SUCO: variants seen among roughly 807,000 people sequenced by gnomAD.
SUCO encodes the protein SUN domain containing ossification factor.
In SUCO, 57 loss-of-function variants were observed where a neutral mutation model predicts 148.1. The observed-to-expected ratio is 0.38, with a 90% CI of 0.31 to 0.48. The LOEUF (loss-of-function observed/expected upper bound fraction) is 0.48, where lower values mean the gene tolerates loss of function less well. Among genes scored for constraint, SUCO ranks in the 20% least tolerant of loss-of-function variants. The pLI is 0.96. For synonymous variants in SUCO, 470 were observed against 502.7 expected, an observed-to-expected ratio of 0.93 and a Z score of 0.87; for missense variants, 1,331 against 1,468.2, an observed-to-expected ratio of 0.91 and a Z score of 1.53.
intron 19 of SUCO, among the ~76,000 whole-genome samples, chr1:172,595,795 G>C (rs1018722152): frequency 2.0e-5 from 3 of 152,098 alleles, no homozygotes; most frequent in African/African-American, 7.2e-5. Flanking sequence ...GTGGCGTTCT[G>C]TGTATTTCCT....
chr1:172,591,056 A>C lies in SUCO; in HGVS notation c.2898A>C (p.Arg966Ser). 1 of 1,611,388 alleles carries C rather than the reference A, an allele frequency of 6.2e-7. No homozygotes were observed. The highest frequency in any genetic ancestry group is 1.1e-5 in the South Asian group (1 of 90,422). ...TCGTGAAACTTCAGAATACTTCAAGAATAGCAGAGGAGCAGGTTGGTTTCT... is the reference window on the plus strand; with the variant it reads ...TCGTGAAACTTCAGAATACTTCAAGCATAGCAGAGGAGCAGGTTGGTTTCT... Reference protein sequence around the residue: ...KTIVKLQNTSRIAEEQDQRQT... With the variant: ...KTIVKLQNTSSIAEEQDQRQT... Residue 966 changes from arginine (R) to serine (S), a missense_variant, in exon 19 of 24, where the codon AGA becomes AGC. Around this residue, in one of 3 missense-constraint regions of SUCO, gnomAD observed 334 missense variants for 352.3 expected, o/e 0.95. Coordinates refer to ENST00000263688, the MANE Select transcript of SUCO (RefSeq NM_014283.5).
At chr1:172,564,456 T>C (rs1654414250) in intron 6 of SUCO, among the ~76,000 whole-genome samples, 1 of 152,184 alleles carries the variant, frequency 6.6e-6, no homozygotes, top group Non-Finnish European at 1.5e-5. Flanking sequence ...TAAAAGTGTG[T>C]TGCACTTCCC....
intron 6 of SUCO, among the ~76,000 whole-genome samples, chr1:172,563,593 GT>G (rs1466842218): frequency 1.3e-5 from 2 of 152,178 alleles, no homozygotes; most frequent in Non-Finnish European, 2.9e-5. Flanking sequence ...CTAAAAGCCT[GT>G]GCTCATTTGC....
Position 172,600,125 on chromosome 1 carries a change from T to A in SUCO, c.2975T>A (p.Leu992His). 1 of 1,611,746 alleles carries A rather than the reference T, an allele frequency of 6.2e-7. No homozygotes were observed. The highest frequency in any genetic ancestry group is 1.7e-5 in the Admixed American group (1 of 59,062). Reference sequence around the variant, plus strand: ...GCACAGCTGACCAACATGACACAGCTTGTTTCAAATTTATCAGCAACAGTA... The same window carrying A: ...GCACAGCTGACCAACATGACACAGCATGTTTCAAATTTATCAGCAACAGTA... Reference protein sequence around the residue: ...LQAQLTNMTQLVSNLSATVAE... With the variant: ...LQAQLTNMTQHVSNLSATVAE... Residue 992 changes from leucine to histidine, a missense_variant, in exon 20 of 24, where the codon CTT becomes CAT. Coordinates refer to ENST00000263688, the MANE Select transcript of SUCO (RefSeq NM_014283.5).
At chr1:172,556,338 T>A (rs1486220109) in intron 4 of SUCO, among the ~76,000 whole-genome samples, 2 of 152,222 alleles carry the variant, frequency 1.3e-5, no homozygotes, top group Non-Finnish European at 2.9e-5. Context: ...GAATTCCCTA[T>A]AATTATCAAC....
At chr1:172,570,609 T>G (rs1230619326) in intron 8 of SUCO, 54 bp from the exon 9 acceptor site, 35 of 1,209,874 alleles carry the variant, frequency 2.9e-5, no homozygotes, top group Non-Finnish European at 4.0e-5. Flanking sequence ...TTAAAATAAA[T>G]ACTTTCTTCA....
At position 172,567,449 on chromosome 1, in the gene SUCO, AT is replaced by A. The variant is rs1005959443; in HGVS notation, c.733-1562del. Among the ~76,000 whole-genome samples, 40 of 152,008 alleles carry A rather than the reference AT, an allele frequency of 2.6e-4. No individual in the cohort carries two copies. In the East Asian group the frequency reaches 6.2e-3, roughly 23 times the overall value. On this transcript the variant is annotated intron_variant, in intron 6 of 23. Coordinates refer to ENST00000263688, the MANE Select transcript of SUCO (RefSeq NM_014283.5). ...ATATAACCACTGTCTTGAATTTAGT[AT>A]TTTTTTTGTTTAGTTTTAGAGCTTT...
chr1:172,568,355 A>G, intron 6 of SUCO: 2 of 901,540 alleles, frequency 2.2e-6, no homozygotes, highest in Non-Finnish European at 2.7e-6. Context: ...TTTATACTTA[A>G]TAATAATTCT....
Position 172,579,403 on chromosome 1 carries a change from A to G in SUCO, c.1498+136A>G, listed in dbSNP as rs180910467. 8.3e-4 allele frequency: 453 copies of G among 545,988 alleles called. 3 individuals carry two copies. The highest frequency in any genetic ancestry group is 8.1e-3 in the African/African-American group (416 of 51,290). 33.8% of individuals were successfully genotyped at this position (545,988 alleles called of 1,614,324 possible). On this transcript the variant is annotated intron_variant, in intron 15 of 23. Transcript: ENST00000263688. ...TTGAAATAAAAGATACTGTCTTTTG[A>G]AAAGTATTTTTATAGAAATGCGATA... is the stretch of plus-strand genomic sequence containing the variant.
intron 1 of SUCO, among the ~76,000 whole-genome samples, chr1:172,533,817 G>A (rs945744657): frequency 6.6e-6 from 1 of 152,202 alleles, no homozygotes; most frequent in African/African-American, 2.4e-5. Flanking sequence ...TGGGTGTTCA[G>A]ATTGATGGTA....
intron 17 of SUCO, among the ~76,000 whole-genome samples, chr1:172,586,171 G>C (rs920984908): frequency 5.9e-5 from 9 of 151,694 alleles, no homozygotes; most frequent in African/African-American, 1.9e-4. Flanking sequence ...TTTTTGGGGG[G>C]GGTATTATAT....
intron 3 of SUCO, among the ~76,000 whole-genome samples, chr1:172,553,884 T>G (rs887751143): frequency 4.6e-5 from 7 of 152,184 alleles, no homozygotes; most frequent in African/African-American, 7.2e-5. Context: ...AACTAGAATA[T>G]ATACACCATA....
At chr1:172,568,977 T>G in intron 6 of SUCO, 42 bp from the exon 7 acceptor site, 2 of 1,511,090 alleles carry the variant, frequency 1.3e-6, no homozygotes, top group Non-Finnish European at 8.8e-7. Flanking sequence ...ATTTGTATTA[T>G]TTGAAAGTTG....
intron 1 of SUCO, among the ~76,000 whole-genome samples, chr1:172,534,518 C>A (rs542708665): frequency 1.8e-4 from 28 of 152,310 alleles, no homozygotes; most frequent in African/African-American, 6.7e-4. Flanking sequence ...TTGTTGCTCA[C>A]ATAAAATAAT....
rs1002001182 is a variant in SUCO at position 172,611,100 on chromosome 1, C to G, written c.*841C>G. The G allele has an allele frequency of 8.5e-5, 13 of 152,608 alleles. No individual in the cohort carries two copies. The highest frequency in any genetic ancestry group is 3.1e-4 in the African/African-American group (13 of 41,442). 9.5% of individuals were successfully genotyped at this position (152,608 alleles called of 1,614,324 possible). A position where few individuals can be genotyped will look rare whatever the true frequency, so the allele number is the denominator to read the frequency against. ...TAAACACTAATCCTCCAAACTTTCACTGTTTTTATTAGTATGAATATAAAA... is the reference window on the plus strand; with the variant it reads ...TAAACACTAATCCTCCAAACTTTCAGTGTTTTTATTAGTATGAATATAAAA... On this transcript the variant is annotated 3_prime_UTR_variant, in exon 24 of 24. Coordinates refer to ENST00000263688, the MANE Select transcript of SUCO (RefSeq NM_014283.5).
intron 11 of SUCO, among the ~76,000 whole-genome samples, chr1:172,575,952 G>A (rs532698823): frequency 1.2e-4 from 18 of 151,842 alleles, no homozygotes; most frequent in Admixed American, 1.2e-3. Context: ...ATCATTGCTG[G>A]TCACTGAAGT....
At chr1:172,562,784 A>T (rs1654272930) in intron 6 of SUCO, among the ~76,000 whole-genome samples, 1 of 152,092 alleles carries the variant, frequency 6.6e-6, no homozygotes, top group Non-Finnish European at 1.5e-5. Context: ...GAATTTTCTT[A>T]CTTGTCTGAT....
In SUCO at chr1:172,610,434, C is replaced by G; in HGVS notation, c.*175C>G. 1.0e-6 allele frequency: 1 copy of G among 996,170 alleles called. No homozygotes were observed. The highest frequency in any genetic ancestry group is 1.4e-6 in the Non-Finnish European group (1 of 725,392). 61.7% of individuals were successfully genotyped at this position (996,170 alleles called of 1,614,324 possible). A position where few individuals can be genotyped will look rare whatever the true frequency, so the allele number is the denominator to read the frequency against. On this transcript the variant is annotated 3_prime_UTR_variant, in exon 24 of 24. Coordinates refer to ENST00000263688, the MANE Select transcript of SUCO (RefSeq NM_014283.5). ...GATTGTGTCAATCTTGGTTAATGAG[C>G]TACAGTTTTACAAAGCTGATCACTT...
chr1:172,605,317 A>T (rs780807111), intron 22 of SUCO, among the ~76,000 whole-genome samples: 1 of 151,784 alleles, frequency 6.6e-6, no homozygotes, highest in Middle Eastern at 3.2e-3. Context: ...TCTTTAATCT[A>T]TTTTGTGTTG....
Sources: gnomAD v4.1 joint callset for allele counts (sites outside exome capture counted in the v4.1 genomes callset) on GRCh38, gnomAD v4.1.1 for gene constraint, gnomAD v4.1.1 regional missense constraint, MANE v1.5 for transcripts, NCBI Gene and HGNC (gene_info 2026-07-23, HGNC 2026-07-21) for gene names.